Variants in SLC25A48 observed in about 807,000 individuals in gnomAD.
SLC25A48 encodes the protein CTC-321K16.1.
Under a neutral mutation model 32.2 loss-of-function variants are expected in SLC25A48, and 29 were observed. The observed-to-expected ratio is 0.90, with a 90% CI of 0.67 to 1.23. The LOEUF (loss-of-function observed/expected upper bound fraction) is 1.23, where lower values mean the gene tolerates loss of function less well. Ranked by LOEUF, SLC25A48 falls within the 50% of genes most tolerant of loss-of-function variation. SLC25A48 has a pLI of 0.00. For synonymous variants in SLC25A48, 164 were observed against 172.3 expected, an observed-to-expected ratio of 0.95 and a Z score of 0.38; for missense variants, 399 against 422.7, an observed-to-expected ratio of 0.94 and a Z score of 0.49.
chr5:135,621,525 A>C (rs1580729895), intron 1 of SLC25A48, among the ~76,000 whole-genome samples: 1 of 152,190 alleles, frequency 6.6e-6, no homozygotes, highest in South Asian at 2.1e-4. Flanking sequence ...TAATAATAAT[A>C]AAATAATAGT....
intron 1 of SLC25A48, among the ~76,000 whole-genome samples, chr5:135,586,251 C>G (rs758549797): frequency 1.3e-5 from 2 of 152,218 alleles, no homozygotes; most frequent in Non-Finnish European, 2.9e-5. Flanking sequence ...GTGTCACCCA[C>G]TACCTTCCTG....
At chr5:135,630,684 A>T (rs949838712) in intron 2 of SLC25A48, among the ~76,000 whole-genome samples, 6 of 138,126 alleles carry the variant, frequency 4.3e-5, no homozygotes, top group East Asian at 4.3e-4. Context: ...TCACTGCAAC[A>T]TTTGCCTCCC....
rs541766015 is a variant in SLC25A48, at chr5:135,582,720, T to C, written c.-849+3123T>C. Among the ~76,000 whole-genome samples, 41 of 152,280 alleles carry C rather than the reference T, an allele frequency of 2.7e-4. No homozygotes were observed. In the South Asian group the frequency reaches 8.5e-3, roughly 32 times the overall value. On this transcript the variant is annotated intron_variant, in intron 1 of 10. Coordinates refer to the SLC25A48 transcript ENST00000646290. ...TGTGCTCCAGATACTCTGCCTTGTCTTACCTTCAAACATCCAAGCCTGTTC... is the reference window on the plus strand; with the variant it reads ...TGTGCTCCAGATACTCTGCCTTGTCCTACCTTCAAACATCCAAGCCTGTTC...
At chr5:135,828,303 G>A (rs911967988) in intron 4 of SLC25A48, among the ~76,000 whole-genome samples, 3 of 152,240 alleles carry the variant, frequency 2.0e-5, no homozygotes, top group African/African-American at 4.8e-5. Flanking sequence ...AGGTCATAAC[G>A]ATGGAGAGAT....
intron 3 of SLC25A48, among the ~76,000 whole-genome samples, chr5:135,811,102 C>T (rs1386159865): frequency 6.6e-6 from 1 of 152,092 alleles, no homozygotes. Flanking sequence ...CCTCTGGATC[C>T]CCCTGGGAGA....
intron 1 of SLC25A48, among the ~76,000 whole-genome samples, chr5:135,612,322 A>G (rs1305962626): frequency 1.3e-5 from 2 of 150,268 alleles, no homozygotes; most frequent in Non-Finnish European, 3.0e-5. Flanking sequence ...CATAGAATGT[A>G]TAATGATCAA....
chr5:135,652,413 T>C (rs1006449385), intron 3 of SLC25A48: 12 of 456,114 alleles, frequency 2.6e-5, no homozygotes, highest in African/African-American at 2.4e-4. Context: ...AAAATGCCTA[T>C]CCACCATTAT....
rs888885886 is a variant in SLC25A48 at position 135,852,863 on chromosome 5, G to A, written c.421+42G>A. On this transcript the variant is annotated intron_variant, in intron 4 of 7. Transcript: ENST00000681962. ...GCGGAGGCTGGTGTCTGGGACTTGT[G>A]GCCCTTTCCTGGTTTGTGGGATCTG... The A allele has an allele frequency of 2.5e-6, 4 of 1,573,412 alleles. No individual in the cohort carries two copies. The Admixed American group carries it at 7.0e-5, about 28-fold the overall frequency.
chr5:135,726,707 C>T (rs979746889), intron 3 of SLC25A48, among the ~76,000 whole-genome samples: 5 of 152,182 alleles, frequency 3.3e-5, no homozygotes, highest in Admixed American at 2.0e-4. Flanking sequence ...TCTGTTTAAC[C>T]GTTCACCCAC....
At position 135,652,100 on chromosome 5, in the gene SLC25A48, G is replaced by GT. The variant is rs1463827921; in HGVS notation, c.-521+17146dup. The stretch of plus-strand genomic sequence containing the variant: ...ATGGGACCATGAACAAAGAAGCCAA[G>GT]TTGGCAGGGATGGAGGCTATGCAGG... On this transcript the variant is annotated intron_variant, in intron 3 of 10. Coordinates refer to the SLC25A48 transcript ENST00000646290. Among the ~76,000 whole-genome samples, 3 of 152,322 alleles carry GT rather than the reference G, an allele frequency of 2.0e-5. No individual in the cohort carries two copies. The East Asian group carries it at 5.8e-4, about 29-fold the overall frequency.
intron 3 of SLC25A48, among the ~76,000 whole-genome samples, chr5:135,728,076 G>C (rs2126988792): frequency 6.6e-6 from 1 of 152,164 alleles, no homozygotes; most frequent in South Asian, 2.1e-4. Flanking sequence ...GGCCAACCTG[G>C]TGAAACCCCA....
At chr5:135,799,195 A>G (rs1220430605) in intron 3 of SLC25A48, among the ~76,000 whole-genome samples, 1 of 151,826 alleles carries the variant, frequency 6.6e-6, no homozygotes, top group Non-Finnish European at 1.5e-5. Flanking sequence ...AGAAGGAAAG[A>G]GAATGCCATT....
chr5:135,619,645 A>G (rs974742190), intron 1 of SLC25A48, among the ~76,000 whole-genome samples: 1 of 152,122 alleles, frequency 6.6e-6, no homozygotes, highest in African/African-American at 2.4e-5. Context: ...ATTTGCTTTC[A>G]TAGGGGACAA....
intron 1 of SLC25A48, among the ~76,000 whole-genome samples, chr5:135,599,492 C>T (rs572486131): frequency 2.2e-4 from 33 of 152,282 alleles, no homozygotes; most frequent in South Asian, 8.3e-4. Flanking sequence ...GCTACTATGT[C>T]GTGTTGGGAT....
At chr5:135,874,206 C>CACACATTT (rs1234448174) in intron 6 of SLC25A48, 52 bp downstream of exon 6, 18 of 1,398,798 alleles carry the variant, frequency 1.3e-5, no homozygotes, top group Non-Finnish European at 1.7e-5. Context: ...GAAGGTGGTT[C>CACACATTT]ACACATTTAG....
chr5:135,744,640 CT>C (rs1755596167), intron 3 of SLC25A48, among the ~76,000 whole-genome samples: 1 of 151,918 alleles, frequency 6.6e-6, no homozygotes. Flanking sequence ...CTTGGCCTGT[CT>C]CCATTTTTGA....
intron 3 of SLC25A48, among the ~76,000 whole-genome samples, chr5:135,638,889 A>T (rs1290600299): frequency 6.6e-6 from 1 of 152,214 alleles, no homozygotes; most frequent in Non-Finnish European, 1.5e-5. Flanking sequence ...GCCAATGACA[A>T]GGTATTATGT....
chr5:135,777,269 G>A (rs985782797), intron 3 of SLC25A48, among the ~76,000 whole-genome samples: 1 of 151,866 alleles, frequency 6.6e-6, no homozygotes, highest in African/African-American at 2.4e-5. Context: ...ACCTAGAGGG[G>A]TAGTAGATGA....
At chr5:135,591,384 G>A (rs1000653310) in intron 1 of SLC25A48, among the ~76,000 whole-genome samples, 11 of 152,280 alleles carry the variant, frequency 7.2e-5, no homozygotes, top group African/African-American at 1.2e-4. Context: ...TTGGATGTTC[G>A]GGGGATGGTC....
Sources: allele counts gnomAD v4.1 joint callset (sites outside exome capture counted in the v4.1 genomes callset), GRCh38; gene constraint gnomAD v4.1.1; transcripts MANE v1.5; gene names NCBI Gene and HGNC (gene_info 2026-07-23, HGNC 2026-07-21).